COL26A1: variants seen among roughly 807,000 people sequenced by gnomAD.
COL26A1 encodes the protein collagen alpha-1(XXVI) chain.
A neutral mutation model predicts 59.3 loss-of-function variants in COL26A1; 41 were observed. That is an observed-to-expected ratio of 0.69 (90% CI 0.54 to 0.90). The LOEUF is 0.90. COL26A1 is among the 40% of genes least tolerant of loss of function. The pLI, the probability that COL26A1 is intolerant of heterozygous loss-of-function variation, is 0.00. For synonymous variants in COL26A1, 266 were observed against 256.0 expected, an observed-to-expected ratio of 1.04 and a Z score of -0.37; for missense variants, 612 against 602.3, an observed-to-expected ratio of 1.02 and a Z score of -0.17.
At chr7:101,415,167 T>C (rs1792343973) in intron 1 of COL26A1, among the ~76,000 whole-genome samples, 1 of 151,946 alleles carries the variant, frequency 6.6e-6, no homozygotes. Context: ...CTTTTTTTTT[T>C]TGAGACGGAG....
chr7:101,551,522 T>C (rs1426554052), intron 10 of COL26A1, among the ~76,000 whole-genome samples: 4 of 152,122 alleles, frequency 2.6e-5, no homozygotes, highest in Admixed American at 6.6e-5. Context: ...TAATCGACTT[T>C]CTTGGAAACA....
In COL26A1 at chr7:101,455,041, C is replaced by T. The variant is rs868583587; in HGVS notation, c.385+7254C>T. On this transcript the variant is annotated intron_variant, in intron 3 of 12. Transcript: ENST00000313669. ...ATCTAAAACAAAATTTTTTCTTTAT[C>T]TTTTTTTTTTTTTTTTTTTGAGATA... Among the ~76,000 whole-genome samples, 40 of 134,028 alleles carry T rather than the reference C, an allele frequency of 3.0e-4. 1 individual carries two copies. The South Asian group carries it at 8.9e-3, about 30-fold the overall frequency. 87.9% of individuals were successfully genotyped at this position (134,028 alleles called of 152,430 possible).
chr7:101,373,128 G>T (rs950362426), intron 1 of COL26A1, among the ~76,000 whole-genome samples: 9 of 152,142 alleles, frequency 5.9e-5, no homozygotes, highest in Non-Finnish European at 1.3e-4. Flanking sequence ...TTTGCTGGTC[G>T]GGGAGAGGCT....
chr7:101,371,623 A>G (rs988822559), intron 1 of COL26A1, among the ~76,000 whole-genome samples: 2 of 148,560 alleles, frequency 1.3e-5, no homozygotes, highest in Non-Finnish European at 3.0e-5. Flanking sequence ...CTGTCTTTGC[A>G]AAAAAAAAAC....
At chr7:101,424,599 A>T (rs1792600694) in intron 2 of COL26A1, among the ~76,000 whole-genome samples, 1 of 152,188 alleles carries the variant, frequency 6.6e-6, no homozygotes, top group African/African-American at 2.4e-5. Context: ...CTCCGTCTCA[A>T]AAAAAATTTA....
chr7:101,465,841 A>G (rs1234686584), intron 3 of COL26A1, among the ~76,000 whole-genome samples: 4 of 152,216 alleles, frequency 2.6e-5, no homozygotes, highest in African/African-American at 9.6e-5. Context: ...GAGGAGCAGA[A>G]TGGAGAACAG....
intron 3 of COL26A1, among the ~76,000 whole-genome samples, chr7:101,460,786 G>GA (rs113334482): frequency 5.9e-4 from 78 of 133,202 alleles, no homozygotes; most frequent in East Asian, 4.2e-3. Flanking sequence ...ATCTCAGGAA[G>GA]AAAAAAAAAA....
intron 1 of COL26A1, among the ~76,000 whole-genome samples, chr7:101,383,624 T>C (rs1791498337): frequency 6.6e-6 from 1 of 152,090 alleles, no homozygotes; most frequent in Non-Finnish European, 1.5e-5. Flanking sequence ...AATCTCTGCC[T>C]CCCCGGTTCA....
intron 1 of COL26A1, among the ~76,000 whole-genome samples, chr7:101,365,641 C>G (rs544034534): frequency 6.6e-6 from 1 of 152,102 alleles, no homozygotes; most frequent in African/African-American, 2.4e-5. Flanking sequence ...CCAGGCTGGT[C>G]TCAAACTCCT....
intron 1 of COL26A1, among the ~76,000 whole-genome samples, chr7:101,393,993 G>A (rs1349058489): frequency 2.0e-5 from 3 of 150,570 alleles, no homozygotes; most frequent in Non-Finnish European, 4.4e-5. Flanking sequence ...GCCCAGGCTG[G>A]TCTCAAACTT....
At chr7:101,511,479 G>A (rs933949347) in intron 3 of COL26A1, among the ~76,000 whole-genome samples, 12 of 152,202 alleles carry the variant, frequency 7.9e-5, no homozygotes, top group Admixed American at 2.0e-4. Flanking sequence ...TGTGGGTTCC[G>A]TTAAGCTATC....
chr7:101,545,454 G>A lies in COL26A1; in HGVS notation c.820G>A (p.Ala274Thr), dbSNP rs748332700. Residue 274 changes from alanine to threonine, a missense_variant, in exon 7 of 13, where the codon GCC (alanine) becomes ACC (threonine). Transcript: ENST00000313669. ...PGPSPNSPQG[A>T]LYSLQPPTDK... ...CCCCTCACCAAACAGCCCCCAGGGCGCCCTCTACTCCCTGCAGCCGCCTAC... is the reference window on the plus strand; with the variant it reads ...CCCCTCACCAAACAGCCCCCAGGGCACCCTCTACTCCCTGCAGCCGCCTAC... 155 of 1,608,210 alleles carry A rather than the reference G, an allele frequency of 9.6e-5. No homozygotes were observed. The highest frequency in any genetic ancestry group is 4.7e-4 in the East Asian group (21 of 44,404).
chr7:101,412,414 G>A (rs942682737), intron 1 of COL26A1, among the ~76,000 whole-genome samples: 1 of 152,116 alleles, frequency 6.6e-6, no homozygotes, highest in Non-Finnish European at 1.5e-5. Flanking sequence ...GGAGGCCCAG[G>A]CGGGCAGATC....
At chr7:101,462,688 G>A (rs545275230) in intron 3 of COL26A1, among the ~76,000 whole-genome samples, 219 of 152,152 alleles carry the variant, frequency 1.4e-3, no homozygotes, top group African/African-American at 4.6e-3. Flanking sequence ...ACAGTTCCCC[G>A]TACTGTTTAC....
At chr7:101,486,061 TAC>T (rs1794262085) in intron 3 of COL26A1, among the ~76,000 whole-genome samples, 1 of 151,702 alleles carries the variant, frequency 6.6e-6, no homozygotes, top group African/African-American at 2.4e-5. Flanking sequence ...TAGTCCCAGC[TAC>T]TCAGGAGGCT....
intron 1 of COL26A1, among the ~76,000 whole-genome samples, chr7:101,401,588 G>C (rs946771747): frequency 3.3e-5 from 5 of 151,126 alleles, no homozygotes; most frequent in Non-Finnish European, 1.5e-5. Context: ...GGAAAAGGAG[G>C]AGGAAGAGGA....
At chr7:101,393,037 C>G in intron 1 of COL26A1, among the ~76,000 whole-genome samples, 1 of 145,196 alleles carries the variant, frequency 6.9e-6, no homozygotes, top group East Asian at 2.0e-4. Flanking sequence ...GAGTCTCGCT[C>G]TATTGCCCAG....
At chr7:101,537,916 A>G (rs1476245922) in intron 4 of COL26A1, among the ~76,000 whole-genome samples, 3 of 151,542 alleles carry the variant, frequency 2.0e-5, no homozygotes, top group Non-Finnish European at 4.4e-5. Flanking sequence ...TCCCCTTGGG[A>G]TACTGCAACC....
chr7:101,417,620 A>T (rs1792404189), intron 1 of COL26A1, among the ~76,000 whole-genome samples: 1 of 40,020 alleles, frequency 2.5e-5, no homozygotes, highest in Non-Finnish European at 1.2e-4. Context: ...ATATATCTAG[A>T]CATAGATATA....
Sources: gnomAD v4.1 joint callset for allele counts (sites outside exome capture counted in the v4.1 genomes callset) on GRCh38, gnomAD v4.1.1 for gene constraint, MANE v1.5 for transcripts, NCBI Gene and HGNC (gene_info 2026-07-23, HGNC 2026-07-21) for gene names.